The following SH3BP4 variants were observed in gnomAD, a reference collection of about 807,000 sequenced individuals.
The protein encoded by SH3BP4 is SH3 domain binding protein 4.
Under a neutral mutation model 65.5 loss-of-function variants are expected in SH3BP4, and 33 were observed. That is an observed-to-expected ratio of 0.50 (90% confidence interval 0.38 to 0.67). The LOEUF (loss-of-function observed/expected upper bound fraction) is 0.67. Ranked by LOEUF, SH3BP4 falls within the 30% of genes least tolerant of loss-of-function variation. SH3BP4 has a pLI of 0.00. For synonymous variants in SH3BP4, 552 were observed against 545.5 expected (o/e 1.01, Z -0.17); for missense variants, 1,134 against 1,261.4 (o/e 0.90, Z 1.53).
chr2:234,975,180 A>G (rs2106250464), intron 1 of SH3BP4, among the ~76,000 whole-genome samples: 1 of 151,166 alleles, frequency 6.6e-6, no homozygotes, highest in South Asian at 2.1e-4. Flanking sequence ...TTGCATTGTT[A>G]TCCCACAGGG....
At chr2:235,049,415 C>T (rs1185382368) in intron 4 of SH3BP4, among the ~76,000 whole-genome samples, 1 of 152,210 alleles carries the variant, frequency 6.6e-6, no homozygotes, top group East Asian at 1.9e-4. Context: ...GCCAGATTAG[C>T]TTGGTGTGTG....
chr2:234,999,489 T>C (rs528716017), intron 2 of SH3BP4, among the ~76,000 whole-genome samples: 1 of 152,336 alleles, frequency 6.6e-6, no homozygotes, highest in East Asian at 1.9e-4. Flanking sequence ...TTCCTTAAAG[T>C]TGTCTGGGCA....
intron 1 of SH3BP4, among the ~76,000 whole-genome samples, chr2:234,968,283 G>T (rs1033965031): frequency 2.6e-5 from 4 of 152,128 alleles, no homozygotes; most frequent in Non-Finnish European, 5.9e-5. Context: ...GCAGAAACAC[G>T]GCCACCTGAT....
intron 3 of SH3BP4, among the ~76,000 whole-genome samples, chr2:235,038,331 T>A (rs1331688723): frequency 0.038 from 89 of 2,322 alleles, no homozygotes; most frequent in East Asian, 0.054. Flanking sequence ...ATATATATAT[T>A]ATATATAGTA....
At chr2:235,019,265 G>A (rs1391006177) in intron 2 of SH3BP4, among the ~76,000 whole-genome samples, 1 of 152,064 alleles carries the variant, frequency 6.6e-6, no homozygotes, top group Non-Finnish European at 1.5e-5. Flanking sequence ...TCAGGTGAGT[G>A]ATGGTGCACA....
chr2:235,040,504 G>A (rs1182838046), intron 3 of SH3BP4, among the ~76,000 whole-genome samples: 1 of 151,286 alleles, frequency 6.6e-6, no homozygotes, highest in Non-Finnish European at 1.5e-5. Flanking sequence ...TGTTTTCTAA[G>A]TTAATCACAT....
chr2:235,034,949 C>T lies in SH3BP4; in HGVS notation c.-54C>T. The T allele has an allele frequency of 2.7e-6, 4 of 1,474,110 alleles. No individual in the cohort carries two copies. Among genetic ancestry groups the T allele is most frequent in the Non-Finnish European group, 3.8e-6 (4 of 1,056,304 alleles). The allele number at this position is 1,474,110 out of a possible 1,614,324, so 91.3% of individuals were successfully genotyped here. On this transcript the variant is annotated 5_prime_UTR_variant, in exon 3 of 6. Coordinates refer to ENST00000392011, the MANE Select transcript of SH3BP4 (RefSeq NM_014521.3). This position sits in a 1 kb window ranked among gnomAD's most constrained non-coding sequence, Gnocchi z 6.2. The stretch of plus-strand genomic sequence containing the variant: ...GAAGCTTCAGCATCTGCTGGGATAA[C>T]TGGAGGAAGAAATATGAAGCCTTAG...
Position 235,034,172 on chromosome 2 carries a change from A to G in SH3BP4, c.-132-699A>G, listed in dbSNP as rs1695293997. On this transcript the variant is annotated intron_variant, in intron 2 of 5. Coordinates refer to ENST00000392011, the MANE Select transcript of SH3BP4 (RefSeq NM_014521.3). This position sits in a 1 kb window ranked among gnomAD's most constrained non-coding sequence, Gnocchi z 6.2. ...GTCTGTGCGCCCTTCCAGAAAAAAA[A>G]AGCAGAGGCCTTAGGGGTGATTCTT... 6.6e-6 allele frequency among the ~76,000 whole-genome samples: 1 copy of G among 152,080 alleles called. No homozygotes were observed. Among genetic ancestry groups the G allele is most frequent in the Non-Finnish European group, 1.5e-5 (1 of 68,010 alleles).
At position 235,034,873 on chromosome 2, in the gene SH3BP4, A is replaced by G; in HGVS notation, c.-130A>G. 1.4e-6 allele frequency: 1 copy of G among 701,706 alleles called. No homozygotes were observed. The highest frequency in any genetic ancestry group is 2.4e-6 in the Non-Finnish European group (1 of 416,206). 43.5% of individuals were successfully genotyped at this position (701,706 alleles called of 1,614,324 possible). A position where few individuals can be genotyped will look rare whatever the true frequency, so the allele number is the denominator to read the frequency against. On this transcript the variant is annotated splice_region_variant and 5_prime_UTR_variant, in exon 3 of 6. Transcript: ENST00000392011. The surrounding 1 kb of genome is among the most constrained non-coding windows in gnomAD (Gnocchi z 6.2). ...TTTTGTTCCTCCTCTACTTTCAGGAAGAAACATATTGCCGAGTGGATGCCG... is the reference window on the plus strand; with the variant it reads ...TTTTGTTCCTCCTCTACTTTCAGGAGGAAACATATTGCCGAGTGGATGCCG...
At chr2:234,971,854 GT>G (rs1275646570) in intron 1 of SH3BP4, among the ~76,000 whole-genome samples, 1 of 151,256 alleles carries the variant, frequency 6.6e-6, no homozygotes, top group South Asian at 2.1e-4. Context: ...GTCTTGCTCT[GT>G]CGCTAGGCTG....
intron 2 of SH3BP4, among the ~76,000 whole-genome samples, chr2:235,011,319 A>G (rs527944051): frequency 2.6e-5 from 4 of 152,114 alleles, no homozygotes; most frequent in African/African-American, 4.8e-5. Flanking sequence ...ATCTGCCTTC[A>G]TTGTTATGTG....
Position 235,003,531 on chromosome 2 carries a change from G to A in SH3BP4, c.-133+8155G>A, listed in dbSNP as rs533861649. Among the ~76,000 whole-genome samples, 6 of 152,340 alleles carry A rather than the reference G, an allele frequency of 3.9e-5. No homozygotes were observed. In the East Asian group the frequency reaches 7.7e-4, roughly 20 times the overall value. ...AGATTCCCATTTTGCCAGCACCTGT[G>A]TGTAGCCTGGACTCTGGAACTAAAC... On this transcript the variant is annotated intron_variant, in intron 2 of 5. Coordinates refer to ENST00000392011, the MANE Select transcript of SH3BP4 (RefSeq NM_014521.3).
chr2:235,034,841 G>T lies in SH3BP4; in HGVS notation c.-132-30G>T. On this transcript the variant is annotated intron_variant, in intron 2 of 5. Coordinates refer to ENST00000392011, the MANE Select transcript of SH3BP4 (RefSeq NM_014521.3). This position sits in a 1 kb window ranked among gnomAD's most constrained non-coding sequence, Gnocchi z 6.2. ...TTGAACCCATGTTTCGCTTGCTTAAGGGACTTTTTTGTTCCTCCTCTACTT... is the reference window on the plus strand; with the variant it reads ...TTGAACCCATGTTTCGCTTGCTTAATGGACTTTTTTGTTCCTCCTCTACTT... 1.6e-6 allele frequency: 1 copy of T among 609,548 alleles called. No individual in the cohort carries two copies. Among genetic ancestry groups the T allele is most frequent in the Non-Finnish European group, 2.9e-6 (1 of 345,194 alleles). 37.8% of individuals were successfully genotyped at this position (609,548 alleles called of 1,614,324 possible).
intron 1 of SH3BP4, among the ~76,000 whole-genome samples, chr2:234,958,740 G>C (rs1487369199): frequency 6.6e-6 from 1 of 152,074 alleles, no homozygotes; most frequent in Admixed American, 6.5e-5. Context: ...GGACAGTTCT[G>C]AGTCTATCAT....
Position 235,043,060 on chromosome 2 carries a change from A to G in SH3BP4, c.2291A>G (p.Glu764Gly). 8 of 1,613,082 alleles carry G rather than the reference A, an allele frequency of 5.0e-6. No individual in the cohort carries two copies. The highest frequency in any genetic ancestry group is 1.7e-5 in the Admixed American group (1 of 59,992). Residue 764 changes from glutamate (E) to glycine (G), a missense_variant, in exon 4 of 6, where the codon GAG becomes GGG. Physicochemically the swap from Glu to Gly is moderately conservative, Grantham distance 98. Transcript: ENST00000392011. ...GCCTCCGTGAGGACCCTGCTCATGG[A>G]GAACATCAGCAGCTGGCGCTCCTTC... ...IYASVRTLLM[E>G]NISSWRSFAD...
At chr2:234,957,657 C>T (rs2106238355) in intron 1 of SH3BP4, among the ~76,000 whole-genome samples, 1 of 152,080 alleles carries the variant, frequency 6.6e-6, no homozygotes, top group South Asian at 2.1e-4. Flanking sequence ...GGCCCATCCC[C>T]AGTTGAATCA....
At chr2:234,960,197 C>T (rs1692674944) in intron 1 of SH3BP4, among the ~76,000 whole-genome samples, 1 of 152,222 alleles carries the variant, frequency 6.6e-6, no homozygotes, top group Non-Finnish European at 1.5e-5. Context: ...GGCCCAGGGC[C>T]TATGCCCCAT....
intron 2 of SH3BP4, among the ~76,000 whole-genome samples, chr2:235,015,771 T>C (rs1352919022): frequency 6.6e-6 from 1 of 152,110 alleles, no homozygotes; most frequent in Non-Finnish European, 1.5e-5. Flanking sequence ...TCTGGGAGGC[T>C]GGTTATTTAA....
intron 3 of SH3BP4, among the ~76,000 whole-genome samples, chr2:235,037,999 G>A (rs1695441235): frequency 1.3e-5 from 2 of 151,462 alleles, no homozygotes; most frequent in African/African-American, 2.4e-5. Flanking sequence ...TCTCTGTGTC[G>A]TTTACGCATG....
Sources: gnomAD v4.1 joint callset for allele counts (sites outside exome capture counted in the v4.1 genomes callset) on GRCh38, gnomAD v4.1.1 for gene constraint, Gnocchi (gnomAD v3.1) non-coding constraint, MANE v1.5 for transcripts, NCBI Gene and HGNC (gene_info 2026-07-23, HGNC 2026-07-21) for gene names.